The following MYH1 variants were observed in gnomAD, a reference collection of about 807,000 sequenced individuals.
MYH1 encodes the protein myosin heavy chain 1.
MYH1 carries 214 observed loss-of-function variants against 225.6 expected under a neutral mutation model. The ratio of observed to expected loss-of-function variants is 0.95; its 90% CI spans 0.85 to 1.06. The LOEUF is 1.06. MYH1 is among the 50% of genes least tolerant of loss of function. MYH1 has a pLI of 0.00. For missense variants in MYH1, 2,098 were observed against 2,344.2 expected, an observed-to-expected ratio of 0.89 and a Z score of 2.17; for synonymous variants, 774 against 842.3, an observed-to-expected ratio of 0.92 and a Z score of 1.40.
At chr17:10,505,971 C>T (rs759413461) in intron 18 of MYH1, 41 bp downstream of exon 18, 1 of 1,614,122 alleles carries the variant, frequency 6.2e-7, no homozygotes, top group Non-Finnish European at 8.5e-7. Context: ...TGGTCTATCA[C>T]ACACACACTG....
rs551697643 is a variant in MYH1 at position 10,516,763 on chromosome 17, A to G, written c.-40-81T>C. 4 of 1,244,196 alleles carry G rather than the reference A, an allele frequency of 3.2e-6. No homozygotes were observed. In the South Asian group the frequency reaches 4.5e-5, roughly 14 times the overall value. The allele number at this position is 1,244,196 out of a possible 1,614,324, so 77.1% of individuals were successfully genotyped here. On this transcript the variant is annotated intron_variant, in intron 2 of 39. Coordinates refer to ENST00000226207, the MANE Select transcript of MYH1 (RefSeq NM_005963.4). ...CATTTAAAACTTTAAAAAAAAATTT[A>G]CTGACCAATTGAGTGCTTAGCATTG...
At position 10,507,922 on chromosome 17, in the gene MYH1, C is replaced by T; in HGVS notation, c.1932G>A (p.Lys644=). 1 of 1,613,822 alleles carries T rather than the reference C, an allele frequency of 6.2e-7. No individual in the cohort carries two copies. The highest frequency in any genetic ancestry group is 8.5e-7 in the Non-Finnish European group (1 of 1,179,856). The change falls in exon 17 of 40, where the codon AAG becomes AAA. Residue 644 remains lysine, a synonymous_variant. Coordinates refer to ENST00000226207, the MANE Select transcript of MYH1 (RefSeq NM_005963.4). ...CAGACACAGTCTGGAAAGAAGAACC[C>T]TTCTTCTTACCACCTTTCTTTCCAC... The part of the protein sequence containing the change: ...AGGGKKGGKK[K]GSSFQTVSAL...
intron 1 of MYH1, 63 bp from the exon 2 acceptor site, chr17:10,518,333 T>A (rs2073250139): frequency 1.3e-5 from 2 of 152,136 alleles, no homozygotes; most frequent in Admixed American, 1.3e-4. Context: ...ATAGAACAAT[T>A]CTTAACTGAG....
intron 14 of MYH1, among the ~76,000 whole-genome samples, chr17:10,510,543 G>C (rs1024872625): frequency 2.0e-5 from 3 of 152,148 alleles, no homozygotes; most frequent in Non-Finnish European, 4.4e-5. Context: ...AACTTGAGTA[G>C]ACCTGCCCTG....
chr17:10,504,588 A>G (rs556777910), intron 22 of MYH1, among the ~76,000 whole-genome samples: 2 of 152,326 alleles, frequency 1.3e-5, no homozygotes, highest in South Asian at 4.1e-4. Context: ...AACAGAGGGG[A>G]AGGAAAAATG....
rs569143581 is a variant in MYH1, at chr17:10,516,214, T to G, written c.333A>C (p.Ala111=). ...AAGAACTCACGTAGATCATCCAGGCTGCGTAGCGCTCTTTGAGGTTGTACA... is the reference window on the plus strand; with the variant it reads ...AAGAACTCACGTAGATCATCCAGGCGGCGTAGCGCTCTTTGAGGTTGTACA... ...AVLYNLKERY[A]AWMIYTYSGL... is the part of the protein sequence containing the mutation. Residue 111 remains alanine (A), a synonymous_variant, in exon 4 of 40, where the codon GCA becomes GCC. Transcript: ENST00000226207. The G allele has an allele frequency of 4.3e-6, 7 of 1,614,222 alleles. No homozygotes were observed. The South Asian group carries it at 5.5e-5, about 13-fold the overall frequency.
intron 14 of MYH1, among the ~76,000 whole-genome samples, chr17:10,510,933 G>A (rs754318747): frequency 1.3e-5 from 2 of 149,488 alleles, no homozygotes; most frequent in Non-Finnish European, 3.0e-5. Flanking sequence ...ATTATATCTC[G>A]ATAAAGCTGT....
At chr17:10,509,095 G>C (rs1305455453) in intron 15 of MYH1, among the ~76,000 whole-genome samples, 1 of 152,152 alleles carries the variant, frequency 6.6e-6, no homozygotes. Context: ...AAGTATTCTT[G>C]GTGGGTCTTT....
intron 30 of MYH1, 60 bp from the exon 31 acceptor site, chr17:10,497,977 G>T: frequency 3.4e-6 from 5 of 1,472,842 alleles, no homozygotes; most frequent in Middle Eastern, 2.1e-4. Flanking sequence ...TTTCAAAGTG[G>T]GTACAAGAGA....
chr17:10,497,149 G>C lies in MYH1; in HGVS notation c.4576C>G (p.Arg1526Gly). The change falls in exon 33 of 40, where the codon CGC (arginine) becomes GGC (glycine). Residue 1526 changes from arginine (R) to glycine (G), a missense_variant. Physicochemically the swap from Arg to Gly is moderately radical, Grantham distance 125. Transcript: ENST00000226207. ...TTTATTTTTTCCAGTTCATGGATGC[G>C]CTTTCCTCCTTCTGCAATCTGTTCA... The part of the protein sequence containing the change: ...LTEQIAEGGK[R>G]IHELEKIKKQ... The C allele has an allele frequency of 1.2e-6, 2 of 1,613,976 alleles. No individual in the cohort carries two copies. Among genetic ancestry groups the C allele is most frequent in the Non-Finnish European group, 1.7e-6 (2 of 1,179,998 alleles).
In MYH1 at chr17:10,504,968, T is replaced by A; in HGVS notation, c.2533A>T (p.Lys845Ter). 1 of 1,614,154 alleles carries A rather than the reference T, an allele frequency of 6.2e-7. No homozygotes were observed. The highest frequency in any genetic ancestry group is 8.5e-7 in the Non-Finnish European group (1 of 1,180,042). Residue 845 changes from lysine (K) to a stop codon, truncating the protein, a stop_gained, in exon 22 of 40, where the codon AAA becomes TAA. Transcript: ENST00000226207. LOFTEE classifies it high-confidence loss of function. ...KLYFKIKPLL[K>*]SAETEKEMAN... ...ATCTCCTTCTCTGTCTCTGCACTTT[T>A]GAGGAGGGGTTTGATCTTGAAATAC...
chr17:10,517,841 A>C (rs1420582389), intron 2 of MYH1, among the ~76,000 whole-genome samples: 1 of 152,206 alleles, frequency 6.6e-6, no homozygotes, highest in Non-Finnish European at 1.5e-5. Context: ...ATCATCTCTC[A>C]TAGGTTTTTA....
rs779036217 is a variant in MYH1, at chr17:10,497,911, C to G, written c.4188G>C (p.Lys1396Asn). ...CAGCATCCTGCAGACGCTGAGCCAG[C>G]TTCTTCCTATGAAATATGGGCAATA... ...RTEELEEAKKKLAQRLQDAEE... is the reference protein window; with the variant it reads ...RTEELEEAKKNLAQRLQDAEE... Residue 1396 changes from lysine (K) to asparagine (N), a missense_variant, in exon 31 of 40, where the codon AAG becomes AAC. Physicochemically the swap from Lys to Asn is moderately conservative, Grantham distance 94. Transcript: ENST00000226207. 1 of 1,596,768 alleles carries G rather than the reference C, an allele frequency of 6.3e-7. No homozygotes were observed. Among genetic ancestry groups the G allele is most frequent in the Non-Finnish European group, 8.5e-7 (1 of 1,175,328 alleles).
chr17:10,504,959 C>A lies in MYH1; in HGVS notation c.2542G>T (p.Glu848Ter), dbSNP rs765152355. ...FKIKPLLKSA[E>*]TEKEMANMKE... ...ATGTTGGCCATCTCCTTCTCTGTCT[C>A]TGCACTTTTGAGGAGGGGTTTGATC... Residue 848 changes from glutamate (E) to a stop codon, truncating the protein, a stop_gained, in exon 22 of 40, where the codon GAG (glutamate) becomes TAG (stop). Transcript: ENST00000226207. LOFTEE classifies it high-confidence loss of function. 3 of 1,614,112 alleles carry A rather than the reference C, an allele frequency of 1.9e-6. No individual in the cohort carries two copies. The highest frequency in any genetic ancestry group is 2.5e-6 in the Non-Finnish European group (3 of 1,180,036).
At chr17:10,497,529 C>A in intron 31 of MYH1, 77 bp from the exon 32 acceptor site, 4 of 1,533,204 alleles carry the variant, frequency 2.6e-6, no homozygotes, top group Non-Finnish European at 1.7e-6. Context: ...TAGCACCTCT[C>A]AGAGTTGAGG....
In MYH1 at chr17:10,512,121, C is replaced by T. The variant is rs1254597602; in HGVS notation, c.1219G>A (p.Val407Ile). Residue 407 changes from valine to isoleucine, a missense_variant, in exon 13 of 40, where the codon GTC (valine) becomes ATC (isoleucine). Physicochemically the swap from Val to Ile is conservative, Grantham distance 29. Coordinates refer to ENST00000226207, the MANE Select transcript of MYH1 (RefSeq NM_005963.4). The stretch of plus-strand genomic sequence containing the variant: ...GTGACATACTCATTGCCGACCTTGA[C>T]CCTAGGGTAGCAGAGGGCTTTGAGC... ...DLLKALCYPR[V>I]KVGNEYVTKG... 1.9e-6 allele frequency: 3 copies of T among 1,614,180 alleles called. No homozygotes were observed. In the South Asian group the frequency reaches 3.3e-5, roughly 18 times the overall value.
Position 10,497,155 on chromosome 17 carries a change from C to T in MYH1, c.4570G>A (p.Gly1524Arg), listed in dbSNP as rs753345119. 1.9e-6 allele frequency: 3 copies of T among 1,613,984 alleles called. No individual in the cohort carries two copies. In the South Asian group the frequency reaches 3.3e-5, roughly 18 times the overall value. The part of the protein sequence containing the change: ...SDLTEQIAEG[G>R]KRIHELEKIK... ...TTTTCCAGTTCATGGATGCGCTTTCCTCCTTCTGCAATCTGTTCAGTGAGA... is the reference window on the plus strand; with the variant it reads ...TTTTCCAGTTCATGGATGCGCTTTCTTCCTTCTGCAATCTGTTCAGTGAGA... Residue 1524 changes from glycine to arginine, a missense_variant, in exon 33 of 40, where the codon GGA becomes AGA. By Grantham distance (125) the Gly-to-Arg change is moderately radical. Coordinates refer to ENST00000226207, the MANE Select transcript of MYH1 (RefSeq NM_005963.4).
intron 6 of MYH1, 132 bp downstream of exon 6, chr17:10,514,736 G>T: frequency 1.2e-6 from 1 of 805,672 alleles, no homozygotes; most frequent in Non-Finnish European, 2.1e-6. Context: ...TTATAATAAA[G>T]CTAAACCAAT....
Position 10,496,379 on chromosome 17 carries a change from G to A in MYH1, c.4827C>T (p.Ile1609=), listed in dbSNP as rs558348060. ...ESMQSTLDAE[I]RSRNDAIRLK... ...GCCTAATGGCATCATTCCTGCTCCT[G>A]ATCTCAGCATCCAGTGTGCTCTGCA... The change falls in exon 34 of 40, where the codon ATC becomes ATT. Residue 1609 remains isoleucine, a synonymous_variant. Coordinates refer to ENST00000226207, the MANE Select transcript of MYH1 (RefSeq NM_005963.4). The A allele has an allele frequency of 1.6e-5, 26 of 1,613,874 alleles. No homozygotes were observed. Among genetic ancestry groups the A allele is most frequent in the Non-Finnish European group, 1.4e-5 (17 of 1,180,024 alleles).
Sources: gnomAD v4.1 joint callset for allele counts (sites outside exome capture counted in the v4.1 genomes callset) on GRCh38, gnomAD v4.1.1 for gene constraint, MANE v1.5 for transcripts, NCBI Gene and HGNC (gene_info 2026-07-23, HGNC 2026-07-21) for gene names.